Variants in NCEH1 observed in about 807,000 individuals in gnomAD.
NCEH1 encodes the protein neutral cholesterol ester hydrolase 1, also known as 2-acetyl MAGE hydrolase.
A neutral mutation model predicts 25.4 loss-of-function variants in NCEH1; 9 were observed. The observed-to-expected ratio is 0.35, with a 90% CI of 0.21 to 0.62. NCEH1 has a LOEUF of 0.62. Among genes scored for constraint, NCEH1 ranks in the 20% least tolerant of loss-of-function variants. The pLI is 0.72. For synonymous variants in NCEH1, 200 were observed against 199.8 expected (o/e 1.00, Z -0.01); for missense variants, 412 against 501.1 (o/e 0.82, Z 1.70).
chr3:172,643,953 G>T (rs1716986923), intron 3 of NCEH1, among the ~76,000 whole-genome samples: 2 of 152,178 alleles, frequency 1.3e-5, no homozygotes, highest in African/African-American at 2.4e-5. Context: ...TTCCTTGAAG[G>T]TTCCTGTATT....
intron 1 of NCEH1, chr3:172,681,043 A>G (rs1712342699): frequency 6.6e-6 from 1 of 151,862 alleles, no homozygotes; most frequent in Admixed American, 6.6e-5. Context: ...ACTTGCCAAG[A>G]TACGTGAACT....
intron 1 of NCEH1, among the ~76,000 whole-genome samples, chr3:172,710,238 C>T (rs1250543957): frequency 1.3e-5 from 2 of 152,212 alleles, no homozygotes; most frequent in African/African-American, 4.8e-5. Flanking sequence ...GCCAGCCCAG[C>T]CTCCCAGTCC....
chr3:172,683,524 A>G (rs1712525810), intron 1 of NCEH1, among the ~76,000 whole-genome samples: 2 of 152,122 alleles, frequency 1.3e-5, no homozygotes, highest in Admixed American at 1.3e-4. Flanking sequence ...AATAGAATAA[A>G]ATAAATTATC....
At chr3:172,649,295 A>G (rs1319549569) in intron 1 of NCEH1, among the ~76,000 whole-genome samples, 4 of 152,210 alleles carry the variant, frequency 2.6e-5, no homozygotes, top group Non-Finnish European at 5.9e-5. Context: ...AAAGAGTTAG[A>G]AAGCACTATA....
intron 3 of NCEH1, among the ~76,000 whole-genome samples, chr3:172,639,139 A>G (rs1716735016): frequency 6.6e-6 from 1 of 151,964 alleles, no homozygotes. Flanking sequence ...TCTCTCCTAA[A>G]AATACAAAAA....
intron 1 of NCEH1, among the ~76,000 whole-genome samples, chr3:172,701,466 T>TTTTTTTTTTTTTA (rs1159407444): frequency 7.0e-6 from 1 of 143,590 alleles, no homozygotes; most frequent in Non-Finnish European, 1.5e-5. Context: ...TTTTTTTTTT[T>TTTTTTTTTTTTTA]AAAGACGGAG....
intron 1 of NCEH1, among the ~76,000 whole-genome samples, chr3:172,707,679 G>A (rs575220284): frequency 1.3e-5 from 2 of 151,964 alleles, no homozygotes; most frequent in South Asian, 4.2e-4. Context: ...TCCACCTCCC[G>A]GGTTCACGCC....
rs1716462797 is a variant in NCEH1, at chr3:172,633,602, T to C, written c.1100A>G (p.Glu367Gly). 1.9e-6 allele frequency: 3 copies of C among 1,613,996 alleles called. No individual in the cohort carries two copies. The African/African-American group carries it at 4.0e-5, about 22-fold the overall frequency. The change falls in exon 5 of 5, where the codon GAG (glutamate) becomes GGG (glycine). Residue 367 changes from glutamate to glycine, a missense_variant. Physicochemically the swap from Glu to Gly is moderately conservative, Grantham distance 98 (BLOSUM62 -2). This residue lies in a region of NCEH1 where 210 missense variants were observed against 258.2 expected (regional missense o/e 0.81). Transcript: ENST00000475381. The stretch of plus-strand genomic sequence containing the variant: ...ATCCTCAAAGTGATCCAGGGTCACC[T>C]CCACACCGGCACTCTCCAAACGCTT... ...YAKRLESAGV[E>G]VTLDHFEDGF...
At chr3:172,661,066 G>A (rs1045877214) in intron 1 of NCEH1, among the ~76,000 whole-genome samples, 19 of 152,108 alleles carry the variant, frequency 1.2e-4, no homozygotes, top group African/African-American at 4.3e-4. Flanking sequence ...GTCCCTGAAT[G>A]GTATTGCCTA....
intron 1 of NCEH1, among the ~76,000 whole-genome samples, chr3:172,701,759 T>C (rs999324348): frequency 7.2e-5 from 11 of 151,934 alleles, no homozygotes; most frequent in Non-Finnish European, 1.3e-4. Flanking sequence ...CGACCACGCC[T>C]GGCCTACTTT....
At chr3:172,659,148 T>A (rs1299530842) in intron 1 of NCEH1, among the ~76,000 whole-genome samples, 1 of 152,004 alleles carries the variant, frequency 6.6e-6, no homozygotes, top group African/African-American at 2.4e-5. Context: ...TTCATGAGTG[T>A]AGGAGTTTGG....
chr3:172,671,565 C>T (rs1478876868), intron 1 of NCEH1, among the ~76,000 whole-genome samples: 1 of 150,978 alleles, frequency 6.6e-6, no homozygotes, highest in Non-Finnish European at 1.5e-5. Flanking sequence ...ATATATGCTA[C>T]CTATATATAC....
intron 1 of NCEH1, among the ~76,000 whole-genome samples, chr3:172,668,591 T>C (rs1169067960): frequency 1.3e-5 from 2 of 152,030 alleles, no homozygotes; most frequent in Non-Finnish European, 2.9e-5. Flanking sequence ...GTGATGACTA[T>C]AGCTTCAGCC....
chr3:172,692,214 TAAA>T (rs1713101704), intron 1 of NCEH1, among the ~76,000 whole-genome samples: 1 of 152,126 alleles, frequency 6.6e-6, no homozygotes. Flanking sequence ...AAGACAGACT[TAAA>T]GAAGTTTCTA....
chr3:172,649,165 T>C (rs1361636311), intron 1 of NCEH1, among the ~76,000 whole-genome samples: 1 of 152,106 alleles, frequency 6.6e-6, no homozygotes, highest in East Asian at 1.9e-4. Context: ...TCTGGGCAAA[T>C]TCCTGAGCCC....
In NCEH1 at chr3:172,633,148, C is replaced by T. The variant is rs942651775; in HGVS notation, c.*327G>A. 7 of 260,148 alleles carry T rather than the reference C, an allele frequency of 2.7e-5. No homozygotes were observed. In the East Asian group the frequency reaches 3.8e-4, roughly 14 times the overall value. 16.1% of individuals were successfully genotyped at this position (260,148 alleles called of 1,614,324 possible). On this transcript the variant is annotated 3_prime_UTR_variant, in exon 5 of 5. Coordinates refer to ENST00000475381, the MANE Select transcript of NCEH1 (RefSeq NM_020792.6). ...CTGGAAGAACTGCTTCTAAAAAGAA[C>T]GTCCTAATGAAGGCAGGACCCAAAG...
At chr3:172,677,576 G>T (rs546135166) in intron 1 of NCEH1, among the ~76,000 whole-genome samples, 1 of 148,310 alleles carries the variant, frequency 6.7e-6, no homozygotes. Context: ...CTCATTTGGG[G>T]CTTAGAGAAG....
chr3:172,653,768 T>G (rs13096679), intron 1 of NCEH1, among the ~76,000 whole-genome samples: 21 of 116,698 alleles, frequency 1.8e-4, no homozygotes, highest in Middle Eastern at 4.4e-3. Flanking sequence ...TTGTTTTTTT[T>G]TTTTTTTGAG....
chr3:172,685,229 G>A (rs112570584), intron 1 of NCEH1, among the ~76,000 whole-genome samples: 3,439 of 152,182 alleles, frequency 0.023, 100 homozygotes, highest in African/African-American at 0.064. Flanking sequence ...GGGAGGCAGA[G>A]GCTGCGGTGA....
Sources: allele counts gnomAD v4.1 joint callset (sites outside exome capture counted in the v4.1 genomes callset), GRCh38; gene constraint gnomAD v4.1.1; regional missense constraint gnomAD v4.1.1; transcripts MANE v1.5; gene names NCBI Gene and HGNC (gene_info 2026-07-23, HGNC 2026-07-21).